The following ACAD11 variants were observed in gnomAD, a reference collection of about 807,000 sequenced individuals.
The protein encoded by ACAD11 is acyl-Coenzyme A dehydrogenase family, member 11.
ACAD11 carries 83 observed loss-of-function variants against 102.2 expected under a neutral mutation model. That is an observed-to-expected ratio of 0.81 (90% CI 0.68 to 0.97). ACAD11 has a LOEUF of 0.97. Among genes scored for constraint, ACAD11 ranks in the 50% least tolerant of loss-of-function variants. The pLI is 0.00. For synonymous variants in ACAD11, 324 were observed against 319.8 expected, an observed-to-expected ratio of 1.01 and a Z score of -0.14; for missense variants, 901 against 951.7, an observed-to-expected ratio of 0.95 and a Z score of 0.70.
At chr3:132,602,967 T>TA in intron 13 of ACAD11, among the ~76,000 whole-genome samples, 1 of 152,014 alleles carries the variant, frequency 6.6e-6, no homozygotes, top group East Asian at 1.9e-4. Flanking sequence ...CACACCTGGC[T>TA]AATTTTTGTA....
chr3:132,614,553 T>C (rs1939319157), intron 11 of ACAD11, among the ~76,000 whole-genome samples: 1 of 152,176 alleles, frequency 6.6e-6, no homozygotes, highest in Non-Finnish European at 1.5e-5. Flanking sequence ...TGGACAAACC[T>C]GACACAAACA....
At chr3:132,584,891 A>C (rs1937732989) in intron 13 of ACAD11, among the ~76,000 whole-genome samples, 1 of 152,252 alleles carries the variant, frequency 6.6e-6, no homozygotes, top group Non-Finnish European at 1.5e-5. Context: ...GGTAGGAAGA[A>C]TCAATATTAT....
At chr3:132,632,208 C>G (rs763961630) in intron 5 of ACAD11, among the ~76,000 whole-genome samples, 1 of 151,962 alleles carries the variant, frequency 6.6e-6, no homozygotes, top group African/African-American at 2.4e-5. Flanking sequence ...CTCAGCCTCC[C>G]GAATAGCTGG....
chr3:132,654,061 C>T (rs1937653000), intron 1 of ACAD11, among the ~76,000 whole-genome samples: 1 of 152,100 alleles, frequency 6.6e-6, no homozygotes, highest in African/African-American at 2.4e-5. Flanking sequence ...TCAAATTTCC[C>T]CCTCAAATCT....
chr3:132,613,974 G>A (rs1269551498), intron 11 of ACAD11, among the ~76,000 whole-genome samples: 1 of 152,136 alleles, frequency 6.6e-6, no homozygotes, highest in African/African-American at 2.4e-5. Context: ...CTTCAGCAAA[G>A]TCTCAGGATA....
At chr3:132,631,698 A>G (rs1425355121) in intron 5 of ACAD11, among the ~76,000 whole-genome samples, 5 of 152,182 alleles carry the variant, frequency 3.3e-5, no homozygotes, top group Non-Finnish European at 7.4e-5. Context: ...AGTCCTTCTC[A>G]TTTTACTTTA....
chr3:132,617,424 A>G (rs573351323), intron 11 of ACAD11, among the ~76,000 whole-genome samples: 4 of 152,172 alleles, frequency 2.6e-5, no homozygotes, highest in Admixed American at 6.5e-5. Flanking sequence ...TTTCAATTTG[A>G]TTTCACCTCA....
In ACAD11 at chr3:132,578,885, G is replaced by C; in HGVS notation, c.1689-4C>G. 2 of 1,611,414 alleles carry C rather than the reference G, an allele frequency of 1.2e-6. No homozygotes were observed. Among genetic ancestry groups the C allele is most frequent in the Non-Finnish European group, 8.5e-7 (1 of 1,178,414 alleles). On this transcript the variant is annotated splice_polypyrimidine_tract_variant and splice_region_variant and intron_variant, in intron 14 of 19. Coordinates refer to ENST00000264990, the MANE Select transcript of ACAD11 (RefSeq NM_032169.5). The stretch of plus-strand genomic sequence containing the variant: ...AATCATGCTGTGCTGTTTGTGTCTA[G>C]TCAAAAGAAAAATTGTATTAGAAAA...
intron 15 of ACAD11, among the ~76,000 whole-genome samples, chr3:132,577,815 T>C (rs1193748603): frequency 2.0e-5 from 3 of 152,216 alleles, no homozygotes; most frequent in African/African-American, 7.2e-5. Flanking sequence ...ATGTAGCCTC[T>C]GCAATGGAAA....
intron 13 of ACAD11, among the ~76,000 whole-genome samples, chr3:132,597,477 C>T (rs913994755): frequency 6.7e-6 from 1 of 150,204 alleles, no homozygotes; most frequent in Non-Finnish European, 1.5e-5. Flanking sequence ...AATAGCTGTA[C>T]AGTTTAACCT....
intron 5 of ACAD11, 134 bp from the exon 6 acceptor site, chr3:132,631,613 C>CA: frequency 1.6e-6 from 1 of 633,630 alleles, no homozygotes; most frequent in East Asian, 3.5e-5. Flanking sequence ...CCCACAGTGG[C>CA]ATATCTCATT....
At chr3:132,610,257 G>GC (rs202194631) in intron 11 of ACAD11, among the ~76,000 whole-genome samples, 2,204 of 152,130 alleles carry the variant, frequency 0.014, 53 homozygotes, top group African/African-American at 0.05. Context: ...AGCACTAAAT[G>GC]CCCACAAGAG....
At chr3:132,642,962 C>G (rs1940581408) in intron 2 of ACAD11, among the ~76,000 whole-genome samples, 160 bp from the exon 3 acceptor site, 3 of 152,112 alleles carry the variant, frequency 2.0e-5, no homozygotes, top group Non-Finnish European at 4.4e-5. Context: ...TAATAGTAAT[C>G]TTGGTGTAAT....
At chr3:132,582,901 T>C (rs1937627557) in intron 13 of ACAD11, among the ~76,000 whole-genome samples, 1 of 152,104 alleles carries the variant, frequency 6.6e-6, no homozygotes, top group African/African-American at 2.4e-5. Context: ...ATAAATGATT[T>C]TATATACGAC....
At chr3:132,600,129 C>T (rs1014258563) in intron 13 of ACAD11, among the ~76,000 whole-genome samples, 1 of 152,090 alleles carries the variant, frequency 6.6e-6, no homozygotes, top group Non-Finnish European at 1.5e-5. Context: ...AGAAAATTCT[C>T]CAGGGCATTA....
intron 6 of ACAD11, 117 bp downstream of exon 6, chr3:132,631,218 AAAATAG>A (rs1177193060): frequency 4.0e-6 from 2 of 495,394 alleles, no homozygotes; most frequent in African/African-American, 4.0e-5. Context: ...AAATCATAAT[AAAATAG>A]AAATGTTTAA....
chr3:132,638,331 T>C (rs762955927), intron 5 of ACAD11, among the ~76,000 whole-genome samples: 2 of 152,200 alleles, frequency 1.3e-5, no homozygotes, highest in Non-Finnish European at 2.9e-5. Context: ...GACTTCTCTG[T>C]ACTATAACAC....
At chr3:132,622,406 T>C (rs372803887) in intron 9 of ACAD11, among the ~76,000 whole-genome samples, 1 of 152,220 alleles carries the variant, frequency 6.6e-6, no homozygotes, top group East Asian at 1.9e-4. Context: ...CCATCCCTCA[T>C]ATTGCCTTGG....
At chr3:132,577,280 G>C (rs1029568581) in intron 15 of ACAD11, among the ~76,000 whole-genome samples, 4 of 151,686 alleles carry the variant, frequency 2.6e-5, no homozygotes, top group African/African-American at 9.8e-5. Flanking sequence ...TAGGAAAAAG[G>C]AAGACCAGGC....
Sources: allele counts gnomAD v4.1 joint callset (sites outside exome capture counted in the v4.1 genomes callset), GRCh38; gene constraint gnomAD v4.1.1; transcripts MANE v1.5; gene names NCBI Gene and HGNC (gene_info 2026-07-23, HGNC 2026-07-21).